USP32: variants seen among roughly 807,000 people sequenced by gnomAD.
USP32 encodes ubiquitin specific peptidase 32.
Under a neutral mutation model 204.8 loss-of-function variants are expected in USP32, and 59 were observed. That is an observed-to-expected ratio of 0.29 (90% CI 0.23 to 0.36). The LOEUF (loss-of-function observed/expected upper bound fraction) is 0.36, where lower values mean the gene tolerates loss of function less well. Ranked by LOEUF, USP32 falls within the 10% of genes least tolerant of loss-of-function variation. USP32 has a pLI of 1.00. For missense variants in USP32, 1,160 were observed against 1,946.4 expected (o/e 0.60, Z 7.60); for synonymous variants, 517 against 678.4 (o/e 0.76, Z 3.70).
In USP32 at chr17:60,392,081, T is replaced by TCTGCCCCGGCGGCTC; in HGVS notation, c.-157_-143dup. ...TCCCCCCACACTAACAAGTGCGGCT[T>TCTGCCCCGGCGGCTC]CTGCCCCGGCGGCTCCTCCCGGTCG... On this transcript the variant is annotated 5_prime_UTR_variant, in exon 1 of 34. Coordinates refer to ENST00000300896, the MANE Select transcript of USP32 (RefSeq NM_032582.4). 1 of 938,224 alleles carries TCTGCCCCGGCGGCTC rather than the reference T, an allele frequency of 1.1e-6. No individual in the cohort carries two copies. The highest frequency in any genetic ancestry group is 1.5e-6 in the Non-Finnish European group (1 of 657,418). The allele number at this position is 938,224 out of a possible 1,614,324, so 58.1% of individuals were successfully genotyped here. A position where few individuals can be genotyped will look rare whatever the true frequency, so the allele number is the denominator to read the frequency against.
rs553978424 is a variant in USP32 at position 60,298,400 on chromosome 17, T to C, written c.292+3199A>G. On this transcript the variant is annotated intron_variant, in intron 3 of 33. Coordinates refer to ENST00000300896, the MANE Select transcript of USP32 (RefSeq NM_032582.4). ...AAATAAAGTTTCTTTTCCAAATTTA[T>C]AGATATCATAATTTTTTTCAGTTGA... Among the ~76,000 whole-genome samples, 4 of 152,312 alleles carry C rather than the reference T, an allele frequency of 2.6e-5. No homozygotes were observed. The South Asian group carries it at 8.3e-4, about 32-fold the overall frequency.
chr17:60,284,997 A>C (rs193126281), intron 5 of USP32, among the ~76,000 whole-genome samples: 136 of 152,298 alleles, frequency 8.9e-4, no homozygotes, highest in Non-Finnish European at 1.2e-3. Context: ...AGCTGAGCTT[A>C]TCTCTCTCCC....
intron 2 of USP32, among the ~76,000 whole-genome samples, chr17:60,331,870 G>A (rs1383627369): frequency 1.4e-5 from 2 of 146,342 alleles, no homozygotes; most frequent in Non-Finnish European, 3.0e-5. Flanking sequence ...CTGTACTCCA[G>A]CCTGGCCACC....
At chr17:60,183,508 T>C in intron 30 of USP32, 55 bp from the exon 31 acceptor site, 1 of 1,513,454 alleles carries the variant, frequency 6.6e-7, no homozygotes, top group Non-Finnish European at 8.8e-7. Flanking sequence ...AGATACAAAA[T>C]TTACATGGAA....
intron 12 of USP32, among the ~76,000 whole-genome samples, chr17:60,228,424 T>C (rs1292687761): frequency 6.6e-6 from 1 of 152,126 alleles, no homozygotes; most frequent in African/African-American, 2.4e-5. Flanking sequence ...ATATCAAGCT[T>C]CTCACAGCTT....
chr17:60,253,596 T>A (rs2086222199), intron 10 of USP32, among the ~76,000 whole-genome samples: 1 of 151,906 alleles, frequency 6.6e-6, no homozygotes. Context: ...TGAAACCTCG[T>A]CTCTACTAAA....
rs533660580 is a variant in USP32, at chr17:60,399,359, TA to T, written c.106+22886del. Among the ~76,000 whole-genome samples the T allele has an allele frequency of 9.2e-5, 14 of 152,104 alleles. No individual in the cohort carries two copies. The South Asian group carries it at 2.9e-3, about 32-fold the overall frequency. On this transcript the variant is annotated intron_variant, in intron 1 of 3. Coordinates refer to the USP32 transcript ENST00000588898. The stretch of plus-strand genomic sequence containing the variant: ...AAGTGCTGAGATGAAGATTATAATT[TA>T]AAACTAGAATGGGGCTGGGCATGGT...
chr17:60,260,594 G>A (rs1169765184), intron 9 of USP32, among the ~76,000 whole-genome samples: 1 of 151,136 alleles, frequency 6.6e-6, no homozygotes, highest in Non-Finnish European at 1.5e-5. Flanking sequence ...AAAAGACTAA[G>A]TTAATCTATA....
At chr17:60,201,989 C>A (rs887688897) in intron 26 of USP32, among the ~76,000 whole-genome samples, 3 of 152,090 alleles carry the variant, frequency 2.0e-5, no homozygotes, top group African/African-American at 4.8e-5. Flanking sequence ...CCAATTTAAT[C>A]TTTTCTTTTA....
At chr17:60,276,581 T>C (rs994177432) in intron 5 of USP32, among the ~76,000 whole-genome samples, 3 of 152,200 alleles carry the variant, frequency 2.0e-5, no homozygotes, top group African/African-American at 7.2e-5. Context: ...TGTTCTTATT[T>C]CTATACTTCT....
At chr17:60,337,705 C>A (rs182678950) in intron 2 of USP32, among the ~76,000 whole-genome samples, 2 of 151,916 alleles carry the variant, frequency 1.3e-5, no homozygotes, top group Admixed American at 6.6e-5. Flanking sequence ...GGTGAGACCC[C>A]GTCTCCACAA....
In USP32 at chr17:60,233,520, G is replaced by A. The variant is rs573132696; in HGVS notation, c.1239+2618C>T. Among the ~76,000 whole-genome samples, 12 of 152,132 alleles carry A rather than the reference G, an allele frequency of 7.9e-5. No homozygotes were observed. In the East Asian group the frequency reaches 9.7e-4, roughly 12 times the overall value. ...CATGCATCAAACTCATTTAATCCTC[G>A]TAACACTATGAGGGCGATTATTATT... On this transcript the variant is annotated intron_variant, in intron 12 of 33. Transcript: ENST00000300896.
intron 2 of USP32, chr17:60,316,197 C>A: frequency 4.0e-6 from 1 of 250,086 alleles, no homozygotes; most frequent in Non-Finnish European, 7.9e-6. Flanking sequence ...TACCTTGCCG[C>A]ATATATGGAG....
At chr17:60,188,134 C>G (rs1248741353) in intron 29 of USP32, among the ~76,000 whole-genome samples, 1 of 152,102 alleles carries the variant, frequency 6.6e-6, no homozygotes, top group Non-Finnish European at 1.5e-5. Flanking sequence ...GTGCACACCA[C>G]CACACCTGGC....
chr17:60,394,231 C>T (rs530252770), upstream of USP32, among the ~76,000 whole-genome samples: 17 of 152,286 alleles, frequency 1.1e-4, no homozygotes, highest in Admixed American at 9.2e-4. Flanking sequence ...CTGCAGAGTG[C>T]GAGTTCCGAG....
At chr17:60,364,507 G>A (rs779812689) in intron 1 of USP32, among the ~76,000 whole-genome samples, 56 of 152,158 alleles carry the variant, frequency 3.7e-4, no homozygotes, top group Non-Finnish European at 5.1e-4. Flanking sequence ...AGCCTCCCAA[G>A]TAGCTCAGAT....
intron 2 of USP32, among the ~76,000 whole-genome samples, chr17:60,323,701 A>G (rs1165801821): frequency 6.6e-6 from 1 of 152,238 alleles, no homozygotes; most frequent in Non-Finnish European, 1.5e-5. Context: ...GGTTAAACAC[A>G]CTTTGCTGAA....
At chr17:60,381,322 T>C (rs891640355) in intron 1 of USP32, among the ~76,000 whole-genome samples, 7 of 150,624 alleles carry the variant, frequency 4.6e-5, no homozygotes, top group Non-Finnish European at 1.0e-4. Context: ...ACATCTGGAG[T>C]CCCAGACACT....
intron 9 of USP32, among the ~76,000 whole-genome samples, chr17:60,262,279 C>T (rs1035347562): frequency 6.6e-6 from 1 of 152,148 alleles, no homozygotes; most frequent in Non-Finnish European, 1.5e-5. Flanking sequence ...GCAACCTCCG[C>T]CTCCCAGGTT....
Sources: gnomAD v4.1 joint callset for allele counts (sites outside exome capture counted in the v4.1 genomes callset) on GRCh38, gnomAD v4.1.1 for gene constraint, MANE v1.5 for transcripts, NCBI Gene and HGNC (gene_info 2026-07-23, HGNC 2026-07-21) for gene names.